IMMP2L: variants seen among roughly 807,000 people sequenced by gnomAD.
IMMP2L encodes mitochondrial inner membrane protease subunit 2.
A neutral mutation model predicts 19.3 loss-of-function variants in IMMP2L; 18 were observed. The observed-to-expected ratio is 0.93, with a 90% confidence interval of 0.64 to 1.38. IMMP2L has a LOEUF of 1.38. IMMP2L is among the 40% of genes most tolerant of loss of function. The pLI is 0.00. For synonymous variants in IMMP2L, 76 were observed against 73.0 expected (o/e 1.04, Z -0.21); for missense variants, 233 against 218.2 (o/e 1.07, Z -0.43).
intron 3 of IMMP2L, among the ~76,000 whole-genome samples, chr7:110,981,054 T>C (rs1252325683): frequency 1.3e-5 from 2 of 152,176 alleles, no homozygotes; most frequent in African/African-American, 4.8e-5. Flanking sequence ...TAAATCTGCT[T>C]TGAGAGTTTA....
In IMMP2L at chr7:110,663,390, G is replaced by A. The variant is rs1244218234; in HGVS notation, c.*212C>T. 1 of 436,204 alleles carries A rather than the reference G, an allele frequency of 2.3e-6. No individual in the cohort carries two copies. Among genetic ancestry groups the A allele is most frequent in the South Asian group, 2.9e-5 (1 of 34,282 alleles). 27.0% of individuals were successfully genotyped at this position (436,204 alleles called of 1,614,324 possible). A position where few individuals can be genotyped will look rare whatever the true frequency, so the allele number is the denominator to read the frequency against. Reference sequence around the variant, plus strand: ...TATTTTGGGGGCATTAAACAACAGGGAACTAAAATTTAACACAAAATCAGG... The same window carrying A: ...TATTTTGGGGGCATTAAACAACAGGAAACTAAAATTTAACACAAAATCAGG... On this transcript the variant is annotated 3_prime_UTR_variant, in exon 6 of 6. Transcript: ENST00000405709.
intron 3 of IMMP2L, among the ~76,000 whole-genome samples, chr7:111,116,275 A>G (rs2129585609): frequency 6.6e-6 from 1 of 152,292 alleles, no homozygotes; most frequent in South Asian, 2.1e-4. Context: ...AAAAGTTCTT[A>G]AACATGACAA....
At chr7:111,230,473 T>C (rs978538884) in intron 3 of IMMP2L, among the ~76,000 whole-genome samples, 1 of 152,086 alleles carries the variant, frequency 6.6e-6, no homozygotes, top group Non-Finnish European at 1.5e-5. Flanking sequence ...AGTTACTATG[T>C]TCATAAAAGT....
chr7:111,200,816 A>G (rs1810023661), intron 3 of IMMP2L, among the ~76,000 whole-genome samples: 1 of 152,168 alleles, frequency 6.6e-6, no homozygotes, highest in Non-Finnish European at 1.5e-5. Context: ...CAAACAGATA[A>G]AAGACAAAAA....
intron 4 of IMMP2L, among the ~76,000 whole-genome samples, chr7:110,893,046 A>C (rs1476692860): frequency 6.6e-6 from 1 of 152,114 alleles, no homozygotes; most frequent in Non-Finnish European, 1.5e-5. Context: ...ATTGCAGACC[A>C]CCTCAATCAA....
chr7:111,183,088 T>C (rs1324173122), intron 3 of IMMP2L, among the ~76,000 whole-genome samples: 5 of 152,102 alleles, frequency 3.3e-5, no homozygotes, highest in Admixed American at 3.3e-4. Context: ...AATGTTTATT[T>C]TGTGATTGTG....
At chr7:111,045,741 C>T (rs1009253523) in intron 3 of IMMP2L, among the ~76,000 whole-genome samples, 2 of 152,168 alleles carry the variant, frequency 1.3e-5, no homozygotes, top group African/African-American at 4.8e-5. Flanking sequence ...ACTAATTCTC[C>T]CCTAGAGCCT....
chr7:110,988,292 A>G (rs1822066981), intron 3 of IMMP2L, among the ~76,000 whole-genome samples: 1 of 152,242 alleles, frequency 6.6e-6, no homozygotes, highest in African/African-American at 2.4e-5. Context: ...TGGCTCTTCC[A>G]TCATCAACAC....
intron 3 of IMMP2L, among the ~76,000 whole-genome samples, chr7:111,187,988 T>G (rs1307797530): frequency 6.6e-6 from 1 of 151,960 alleles, no homozygotes; most frequent in Non-Finnish European, 1.5e-5. Flanking sequence ...GGCATGGGGA[T>G]AGAGAAGTCC....
At chr7:111,338,674 T>A (rs1826708555) in intron 3 of IMMP2L, among the ~76,000 whole-genome samples, 1 of 152,156 alleles carries the variant, frequency 6.6e-6, no homozygotes, top group Non-Finnish European at 1.5e-5. Context: ...AGTATATGCC[T>A]CTGATTATCA....
At chr7:111,015,101 C>T (rs1207585330) in intron 3 of IMMP2L, among the ~76,000 whole-genome samples, 6 of 152,132 alleles carry the variant, frequency 3.9e-5, no homozygotes, top group Non-Finnish European at 1.5e-5. Flanking sequence ...GATATTTTCA[C>T]ACCCATGTTC....
intron 3 of IMMP2L, among the ~76,000 whole-genome samples, chr7:111,404,620 T>C (rs1833760909): frequency 6.6e-6 from 1 of 152,118 alleles, no homozygotes; most frequent in Non-Finnish European, 1.5e-5. Flanking sequence ...TAAACTATAC[T>C]TTTTATCCAT....
chr7:110,669,427 C>A (rs779006558), intron 5 of IMMP2L, among the ~76,000 whole-genome samples: 1 of 152,124 alleles, frequency 6.6e-6, no homozygotes, highest in South Asian at 2.1e-4. Context: ...TACTGAAAGT[C>A]GATCAATTTA....
chr7:110,949,529 A>G (rs1030224886), intron 4 of IMMP2L, among the ~76,000 whole-genome samples: 1 of 152,222 alleles, frequency 6.6e-6, no homozygotes, highest in Non-Finnish European at 1.5e-5. Context: ...CAGCAAAACT[A>G]CAGCCTATGG....
chr7:111,308,140 G>A (rs1823085344), intron 3 of IMMP2L, among the ~76,000 whole-genome samples: 1 of 151,696 alleles, frequency 6.6e-6, no homozygotes, highest in African/African-American at 2.4e-5. Context: ...AACCAACATA[G>A]AGAAAAAAAT....
intron 5 of IMMP2L, among the ~76,000 whole-genome samples, chr7:110,698,521 C>T (rs1794040859): frequency 6.6e-6 from 1 of 152,166 alleles, no homozygotes. Context: ...TCCCCTCTAC[C>T]TACCACTGCC....
intron 3 of IMMP2L, among the ~76,000 whole-genome samples, chr7:110,980,113 T>A (rs1229033220): frequency 7.1e-6 from 1 of 140,930 alleles, no homozygotes; most frequent in African/African-American, 2.5e-5. Flanking sequence ...TTTATGGTTC[T>A]ATACCTCTAG....
chr7:111,281,979 T>A (rs1012982945), intron 3 of IMMP2L, among the ~76,000 whole-genome samples: 2 of 152,186 alleles, frequency 1.3e-5, no homozygotes, highest in African/African-American at 2.4e-5. Flanking sequence ...TTTCTTTTTT[T>A]AAAATACATT....
At chr7:110,994,173 GC>G (rs60829490) in intron 3 of IMMP2L, among the ~76,000 whole-genome samples, 68,443 of 150,742 alleles carry the variant, frequency 0.45, 17,191 homozygotes, top group Non-Finnish European at 0.58. Context: ...CACACACTTG[GC>G]TTTCTATTGA....
Sources: allele counts gnomAD v4.1 joint callset (sites outside exome capture counted in the v4.1 genomes callset), GRCh38; gene constraint gnomAD v4.1.1; transcripts MANE v1.5; gene names NCBI Gene and HGNC (gene_info 2026-07-23, HGNC 2026-07-21).